Variants in ZNF821 observed in about 807,000 individuals in gnomAD.
ZNF821 encodes zinc finger protein 821.
A neutral mutation model predicts 44.3 loss-of-function variants in ZNF821; 16 were observed. The observed-to-expected ratio is 0.36, with a 90% CI of 0.24 to 0.55. ZNF821 has a LOEUF of 0.55. Ranked by LOEUF, ZNF821 falls within the 20% of genes least tolerant of loss-of-function variation. The probability of loss-of-function intolerance (pLI) is 0.86; values close to 1 mark genes in which losing one functional copy is unlikely to be tolerated. For synonymous variants in ZNF821, 204 were observed against 197.6 expected (o/e 1.03, Z -0.27); for missense variants, 436 against 547.6 (o/e 0.80, Z 2.03).
intron 3 of ZNF821, among the ~76,000 whole-genome samples, chr16:71,868,851 A>C (rs2034855887): frequency 6.6e-6 from 1 of 151,758 alleles, no homozygotes; most frequent in African/African-American, 2.4e-5. Flanking sequence ...TTTAGTAGAG[A>C]CGGGGTTTCA....
rs760560271 is a variant in ZNF821, at chr16:71,861,867, A to G, written c.493T>C (p.Leu165=). 2.5e-6 allele frequency: 4 copies of G among 1,614,134 alleles called. No individual in the cohort carries two copies. Among genetic ancestry groups the G allele is most frequent in the Non-Finnish European group, 3.4e-6 (4 of 1,180,032 alleles). ...GAGTGGATTAAGAGGTGGCGACCCA[A>G]TGACCCCGGGGAGCTAAGGGCCCGG... is the stretch of plus-strand genomic sequence containing the variant. ...CGRALSSPGS[L]GRHLLIHSED... Residue 165 remains leucine (L), a synonymous_variant, in exon 7 of 8, where the codon TTG becomes CTG. Transcript: ENST00000425432.
intron 4 of ZNF821, among the ~76,000 whole-genome samples, chr16:71,867,673 C>T (rs1330968563): frequency 2.0e-5 from 3 of 150,096 alleles, no homozygotes; most frequent in Non-Finnish European, 3.0e-5. Context: ...GCAACAAGAG[C>T]GAAACTCTGT....
chr16:71,864,349 C>T, intron 5 of ZNF821, 107 bp from the exon 6 acceptor site: 2 of 874,470 alleles, frequency 2.3e-6, no homozygotes, highest in South Asian at 2.9e-5. Context: ...ACTGATGGCG[C>T]ATGTTATTCT....
intron 1 of ZNF821, among the ~76,000 whole-genome samples, chr16:71,890,155 T>C (rs1014150407): frequency 1.3e-5 from 2 of 152,166 alleles, no homozygotes; most frequent in African/African-American, 4.8e-5. Context: ...TCATGGGTTC[T>C]TTAACAAGTG....
At position 71,861,918 on chromosome 16, in the gene ZNF821, T is replaced by G. The variant is rs922495859; in HGVS notation, c.442A>C (p.Lys148Gln). ...YQHTAAVVSA[K>Q]SYMCPVCGRA... ...CCACAGACAGGACACATGTAGCTCT[T>G]GGCGCTCACCACTGCTGCAGTGTGC... The change falls in exon 7 of 8, where the codon AAG becomes CAG. Residue 148 changes from lysine (K) to glutamine (Q), a missense_variant. Physicochemically the swap from Lys to Gln is moderately conservative, Grantham distance 53 (BLOSUM62 1). Coordinates refer to ENST00000425432, the MANE Select transcript of ZNF821 (RefSeq NM_001201552.2). 1 of 1,614,194 alleles carries G rather than the reference T, an allele frequency of 6.2e-7. No individual in the cohort carries two copies. The highest frequency in any genetic ancestry group is 8.5e-7 in the Non-Finnish European group (1 of 1,180,020).
chr16:71,894,597 T>G, intron 1 of ZNF821: 2 of 441,290 alleles, frequency 4.5e-6, no homozygotes, highest in Non-Finnish European at 4.1e-6. Context: ...GTGATCACGG[T>G]TTACTGCAGC....
intron 1 of ZNF821, among the ~76,000 whole-genome samples, chr16:71,892,413 C>G (rs1270829917): frequency 6.7e-6 from 1 of 149,394 alleles, no homozygotes; most frequent in Non-Finnish European, 1.5e-5. Flanking sequence ...ACTACAGGCG[C>G]CCGCCACCAA....
chr16:71,874,548 G>A (rs977718674), intron 3 of ZNF821, among the ~76,000 whole-genome samples: 1 of 151,940 alleles, frequency 6.6e-6, no homozygotes, highest in Admixed American at 6.6e-5. Flanking sequence ...TTGCCTCCTG[G>A]GTTCAAGCAA....
intron 3 of ZNF821, among the ~76,000 whole-genome samples, chr16:71,876,400 C>T (rs1458751145): frequency 6.6e-6 from 1 of 151,884 alleles, no homozygotes; most frequent in Non-Finnish European, 1.5e-5. Context: ...GATGGGGTTT[C>T]AACATCTTGG....
intron 1 of ZNF821, among the ~76,000 whole-genome samples, chr16:71,893,373 G>A (rs2036903372): frequency 6.6e-6 from 1 of 151,234 alleles, no homozygotes; most frequent in South Asian, 2.1e-4. Context: ...ATGTGGCCAG[G>A]CTGCTCTCCA....
intron 6 of ZNF821, among the ~76,000 whole-genome samples, chr16:71,863,436 C>G (rs986095221): frequency 3.1e-5 from 4 of 129,740 alleles, no homozygotes; most frequent in Non-Finnish European, 4.7e-5. Context: ...CAGTCTCACT[C>G]TGTCACCCTA....
In ZNF821 at chr16:71,859,852, C is replaced by G. The variant is rs996343790; in HGVS notation, c.*166G>C. 5.2e-6 allele frequency: 4 copies of G among 768,856 alleles called. No individual in the cohort carries two copies. The African/African-American group carries it at 7.0e-5, about 14-fold the overall frequency. 47.6% of individuals were successfully genotyped at this position (768,856 alleles called of 1,614,324 possible). On this transcript the variant is annotated 3_prime_UTR_variant, in exon 8 of 8. Transcript: ENST00000425432. ...CCAGGTCCCTCCTGACCCCATCATCCTGTTCCCATATGCAAGGGCTGCTCA... is the reference window on the plus strand; with the variant it reads ...CCAGGTCCCTCCTGACCCCATCATCGTGTTCCCATATGCAAGGGCTGCTCA...
At chr16:71,866,089 G>A (rs2142372310) in intron 4 of ZNF821, among the ~76,000 whole-genome samples, 1 of 152,266 alleles carries the variant, frequency 6.6e-6, no homozygotes, top group South Asian at 2.1e-4. Flanking sequence ...TCACACTCCA[G>A]CCCTATCTTA....
At position 71,864,201 on chromosome 16, in the gene ZNF821, G is replaced by A. The variant is rs770765636; in HGVS notation, c.354C>T (p.Cys118=). 2 of 1,614,112 alleles carry A rather than the reference G, an allele frequency of 1.2e-6. No individual in the cohort carries two copies. The highest frequency in any genetic ancestry group is 1.1e-5 in the South Asian group (1 of 91,096). The stretch of plus-strand genomic sequence containing the variant: ...AGTCTAGCTGGCAGAGGGGACACTG[G>A]CAGAGTTCAAGCAAGGGGTCAGAAT... The part of the protein sequence containing the change: ...NLNSDPLLEL[C]QCPLCQLDCG... The change falls in exon 6 of 8, where the codon TGC becomes TGT. Residue 118 remains cysteine (C), a synonymous_variant. Transcript: ENST00000425432.
chr16:71,880,201 C>A (rs2036282364), intron 2 of ZNF821, 178 bp from the exon 3 acceptor site: 1 of 401,324 alleles, frequency 2.5e-6, no homozygotes, highest in Non-Finnish European at 4.4e-6. Flanking sequence ...CGTCAAGGTC[C>A]CAGAAAGTTT....
In ZNF821 at chr16:71,864,970, A is replaced by T. The variant is rs755786350; in HGVS notation, c.245T>A (p.Val82Asp). The T allele has an allele frequency of 9.3e-6, 15 of 1,613,878 alleles. No individual in the cohort carries two copies. The highest frequency in any genetic ancestry group is 1.3e-5 in the Non-Finnish European group (15 of 1,180,024). ...ATTTTCTAACTCTTTCTCCACTTTG[A>T]CCACCCCTCCATCTTCCTCTGATGT... Reference protein sequence around the residue: ...SHTSEEDGGVVKVEKELENTE... With the variant: ...SHTSEEDGGVDKVEKELENTE... Residue 82 changes from valine to aspartate, a missense_variant, in exon 5 of 8, where the codon GTC becomes GAC. Val to Asp is a radical substitution (Grantham distance 152). Around this residue, in one of 5 missense-constraint regions of ZNF821, gnomAD observed 238 missense variants for 281.4 expected, o/e 0.85. Transcript: ENST00000425432.
upstream of ZNF821, among the ~76,000 whole-genome samples, chr16:71,884,357 G>C (rs1597217212): frequency 6.6e-6 from 1 of 151,976 alleles, no homozygotes; most frequent in Admixed American, 6.5e-5. Context: ...AGAGGGGCTC[G>C]CCCGCGTTCC....
chr16:71,868,746 GT>G (rs370527672), intron 3 of ZNF821, among the ~76,000 whole-genome samples: 71 of 145,760 alleles, frequency 4.9e-4, no homozygotes, highest in South Asian at 6.5e-4. Context: ...TCTTGGTCCA[GT>G]TTTTTTTTTT....
intron 5 of ZNF821, 43 bp from the exon 6 acceptor site, chr16:71,864,285 A>C: frequency 3.9e-6 from 6 of 1,549,146 alleles, no homozygotes; most frequent in Non-Finnish European, 5.4e-6. Context: ...CTCTTTACTC[A>C]TCTCTTCCCT....
Sources: gnomAD v4.1 joint callset for allele counts (sites outside exome capture counted in the v4.1 genomes callset) on GRCh38, gnomAD v4.1.1 for gene constraint, gnomAD v4.1.1 regional missense constraint, MANE v1.5 for transcripts, NCBI Gene and HGNC (gene_info 2026-07-23, HGNC 2026-07-21) for gene names.